Variants in ZFR2 observed in about 807,000 individuals in gnomAD.
ZFR2 encodes zinc finger RNA binding protein 2.
A neutral mutation model predicts 105.7 loss-of-function variants in ZFR2; 104 were observed. The observed-to-expected ratio is 0.98, with a 90% CI of 0.84 to 1.16. The LOEUF (loss-of-function observed/expected upper bound fraction) is 1.16, where lower values mean the gene tolerates loss of function less well. Among genes scored for constraint, ZFR2 ranks in the 50% most tolerant of loss-of-function variants. The pLI is 0.00. For missense variants in ZFR2, 1,425 were observed against 1,355.5 expected (o/e 1.05, Z -0.80); for synonymous variants, 634 against 597.7 (o/e 1.06, Z -0.89).
At chr19:3,829,253 C>T (rs997330625) in intron 5 of ZFR2, among the ~76,000 whole-genome samples, 16 of 151,702 alleles carry the variant, frequency 1.1e-4, no homozygotes, top group East Asian at 7.9e-4. Context: ...TGAGCTACCA[C>T]GCCCAGCCTG....
intron 9 of ZFR2, 64 bp downstream of exon 9, chr19:3,822,017 C>T: frequency 6.6e-7 from 1 of 1,522,244 alleles, no homozygotes; most frequent in Non-Finnish European, 8.8e-7. Flanking sequence ...CCACAGGCCT[C>T]CCAGCGCCCG....
intron 3 of ZFR2, 49 bp downstream of exon 3, chr19:3,833,615 T>TGCGGGGA: frequency 7.1e-7 from 1 of 1,399,302 alleles, no homozygotes; most frequent in Non-Finnish European, 9.7e-7. Flanking sequence ...TTCCCTGTGC[T>TGCGGGGA]GCGGGGAGCG....
At chr19:3,867,286 G>A (rs534700073) in intron 1 of ZFR2, among the ~76,000 whole-genome samples, 68 of 121,792 alleles carry the variant, frequency 5.6e-4, no homozygotes, top group South Asian at 1.3e-3. Flanking sequence ...AGGGTGACAC[G>A]CGGAAATGAT....
intron 14 of ZFR2, among the ~76,000 whole-genome samples, chr19:3,812,254 G>GT (rs892464429): frequency 2.6e-5 from 4 of 151,782 alleles, no homozygotes; most frequent in African/African-American, 7.2e-5. Flanking sequence ...AAATTTTTTT[G>GT]TTTTTTTTAT....
Position 3,858,062 on chromosome 19 carries a change from G to A in ZFR2, c.53+10903C>T, listed in dbSNP as rs1470497657. 6.6e-6 allele frequency among the ~76,000 whole-genome samples: 1 copy of A among 152,160 alleles called. No individual in the cohort carries two copies. The highest frequency in any genetic ancestry group is 1.5e-5 in the Non-Finnish European group (1 of 68,032). ...GTTTTGGGAAGTCAAGCTTTTTCAG[G>A]TGCATCCTTCTAAACTGAATTTTGG... On this transcript the variant is annotated intron_variant, in intron 1 of 18. Transcript: ENST00000262961. This position sits in a 1 kb window ranked among gnomAD's most constrained non-coding sequence, Gnocchi z 4.3.
chr19:3,808,062 T>C (rs1268257637), intron 17 of ZFR2, among the ~76,000 whole-genome samples: 2 of 144,948 alleles, frequency 1.4e-5, no homozygotes, highest in African/African-American at 2.6e-5. Context: ...TGTGCGTGCA[T>C]GTGTGCCCGT....
rs535768321 is a variant in ZFR2, at chr19:3,821,329, C to T, written c.1631+11G>A. The T allele has an allele frequency of 7.0e-6, 11 of 1,574,180 alleles. No individual in the cohort carries two copies. The South Asian group carries it at 1.2e-4, about 17-fold the overall frequency. Reference sequence around the variant, plus strand: ...CACCAGGCCCCCTTGCCAAGACCCGCAGCCGGGCACCTCCTCTCCGCGTGC... The same window carrying T: ...CACCAGGCCCCCTTGCCAAGACCCGTAGCCGGGCACCTCCTCTCCGCGTGC... On this transcript the variant is annotated intron_variant, in intron 10 of 18. Transcript: ENST00000262961.
chr19:3,808,166 T>C (rs1032150094), intron 17 of ZFR2, among the ~76,000 whole-genome samples: 1 of 150,598 alleles, frequency 6.6e-6, no homozygotes, highest in South Asian at 2.1e-4. Context: ...TATGTCCATG[T>C]GTGTGCCTGT....
intron 1 of ZFR2, among the ~76,000 whole-genome samples, chr19:3,862,391 GGATTCAAGC>G (rs1348731148): frequency 1.3e-5 from 2 of 152,098 alleles, no homozygotes; most frequent in Admixed American, 6.6e-5. Context: ...TCCACCTCCC[GGATTCAAGC>G]GATTCTCCTG....
chr19:3,819,300 C>CGGGCAAGT (rs1555754223), intron 11 of ZFR2, 65 bp from the exon 12 acceptor site: 6 of 1,401,336 alleles, frequency 4.3e-6, no homozygotes, highest in Non-Finnish European at 4.6e-6. Context: ...GCTGGGCAGG[C>CGGGCAAGT]GGGCAGGTGG....
At chr19:3,820,972 C>A (rs1468412364) in intron 10 of ZFR2, among the ~76,000 whole-genome samples, 5 of 93,838 alleles carry the variant, frequency 5.3e-5, no homozygotes, top group African/African-American at 2.2e-4. Flanking sequence ...CACAGGGACA[C>A]TAGAGGTCGG....
rs183000780 is a variant in ZFR2, at chr19:3,861,645, G to C, written c.53+7320C>G. 4.2e-3 allele frequency among the ~76,000 whole-genome samples: 624 copies of C among 150,358 alleles called. 5 individuals carry two copies. Among genetic ancestry groups the C allele is most frequent in the African/African-American group, 0.015 (610 of 40,792 alleles). ...TATCTCAAAAAATAATTGAAATAGG[G>C]CTGGGCACGGTGGCTCACGCCTGTA... is the stretch of plus-strand genomic sequence containing the variant. On this transcript the variant is annotated intron_variant, in intron 1 of 18. Coordinates refer to ENST00000262961, the MANE Select transcript of ZFR2 (RefSeq NM_015174.2).
Position 3,805,695 on chromosome 19 carries a change from G to A in ZFR2, c.*254C>T. ...TTTTTAAAAATATTTTGGAGAGATG[G>A]GGGTCTCACTCTGTTGTCTGGGCTG... On this transcript the variant is annotated 3_prime_UTR_variant, in exon 19 of 19. Transcript: ENST00000262961. 2.4e-6 allele frequency: 1 copy of A among 418,370 alleles called. No homozygotes were observed. The highest frequency in any genetic ancestry group is 4.2e-6 in the Non-Finnish European group (1 of 238,270). The allele number at this position is 418,370 out of a possible 1,614,324, so 25.9% of individuals were successfully genotyped here. A position where few individuals can be genotyped will look rare whatever the true frequency, so the allele number is the denominator to read the frequency against.
At chr19:3,809,782 A>G (rs559844261) in intron 16 of ZFR2, among the ~76,000 whole-genome samples, 3 of 152,140 alleles carry the variant, frequency 2.0e-5, no homozygotes, top group Non-Finnish European at 4.4e-5. Flanking sequence ...CATCTCTACT[A>G]AAAATACAAA....
At position 3,862,582 on chromosome 19, in the gene ZFR2, GC is replaced by G. The variant is rs2038385551; in HGVS notation, c.53+6382del. On this transcript the variant is annotated intron_variant, in intron 1 of 18. Coordinates refer to ENST00000262961, the MANE Select transcript of ZFR2 (RefSeq NM_015174.2). ...CCAAATGCTGGGATTACAAGTGTGA[GC>G]CACCGTGCCTGGCCTAACTTTTGGT... Among the ~76,000 whole-genome samples the G allele has an allele frequency of 2.0e-5, 3 of 152,312 alleles. No homozygotes were observed. The South Asian group carries it at 6.2e-4, about 32-fold the overall frequency.
intron 1 of ZFR2, among the ~76,000 whole-genome samples, chr19:3,849,906 C>T (rs2038218921): frequency 6.6e-6 from 1 of 152,176 alleles, no homozygotes; most frequent in African/African-American, 2.4e-5. Flanking sequence ...TCTCAGCATC[C>T]CTGCTGGCCT....
intron 1 of ZFR2, chr19:3,852,444 C>G: frequency 1.4e-6 from 1 of 717,988 alleles, no homozygotes. Context: ...AGCAGGCCAG[C>G]CTTGGGTCCT....
intron 3 of ZFR2, among the ~76,000 whole-genome samples, chr19:3,832,642 T>C (rs1383088087): frequency 6.7e-6 from 1 of 148,332 alleles, no homozygotes; most frequent in East Asian, 2.0e-4. Flanking sequence ...TTTTTTTTTA[T>C]TTTTTATTTT....
chr19:3,850,836 T>C (rs2038230329), intron 1 of ZFR2, among the ~76,000 whole-genome samples: 2 of 148,030 alleles, frequency 1.4e-5, no homozygotes, highest in South Asian at 4.3e-4. Flanking sequence ...GCTCAGGAGA[T>C]TGAGGCTGCA....
Sources: allele counts gnomAD v4.1 joint callset (sites outside exome capture counted in the v4.1 genomes callset), GRCh38; gene constraint gnomAD v4.1.1; non-coding constraint Gnocchi (gnomAD v3.1); transcripts MANE v1.5; gene names NCBI Gene and HGNC (gene_info 2026-07-23, HGNC 2026-07-21).